The following PSIP1 variants were observed in gnomAD, a reference collection of about 807,000 sequenced individuals.
PSIP1 encodes the protein PC4 and SRSF1 interacting protein 1, also known as PC4 and SFRS1-interacting protein.
A neutral mutation model predicts 74.7 loss-of-function variants in PSIP1; 19 were observed. The observed-to-expected ratio is 0.25, with a 90% CI of 0.18 to 0.37. PSIP1 has a LOEUF of 0.37. Ranked by LOEUF, PSIP1 falls within the 10% of genes least tolerant of loss-of-function variation. The pLI is 1.00. For missense variants in PSIP1, 601 were observed against 614.3 expected (o/e 0.98, Z 0.23); for synonymous variants, 222 against 195.3 (o/e 1.14, Z -1.14).
chr9:15,465,356 A>G lies in PSIP1; in HGVS notation c.*164T>C. 1.7e-6 allele frequency: 1 copy of G among 603,764 alleles called. No homozygotes were observed. Among genetic ancestry groups the G allele is most frequent in the Non-Finnish European group, 2.9e-6 (1 of 350,170 alleles). 37.4% of individuals were successfully genotyped at this position (603,764 alleles called of 1,614,324 possible). A position where few individuals can be genotyped will look rare whatever the true frequency, so the allele number is the denominator to read the frequency against. On this transcript the variant is annotated 3_prime_UTR_variant, in exon 16 of 16. Coordinates refer to ENST00000380733, the MANE Select transcript of PSIP1 (RefSeq NM_033222.5). ...CTGTTAATACTGCACAAGTACACTT[A>G]GCGATAATGTTTACTTTACTTTAAA...
chr9:15,479,070 A>G (rs1196483935), intron 7 of PSIP1, among the ~76,000 whole-genome samples: 1 of 152,124 alleles, frequency 6.6e-6, no homozygotes, highest in Non-Finnish European at 1.5e-5. Context: ...CCTATTAAAA[A>G]GTAGAAAAAA....
In PSIP1 at chr9:15,464,525, A is replaced by G. The variant is rs1249969677; in HGVS notation, c.*995T>C. On this transcript the variant is annotated 3_prime_UTR_variant, in exon 16 of 16. Transcript: ENST00000380733. ...ATCAAAGTACAATGCTGGAACAACT[A>G]GTGTTTGTATTTTTGGAATCTAGAA... The G allele has an allele frequency of 5.0e-6, 1 of 200,882 alleles. No individual in the cohort carries two copies. Among genetic ancestry groups the G allele is most frequent in the Non-Finnish European group, 1.0e-5 (1 of 97,782 alleles). 12.4% of individuals were successfully genotyped at this position (200,882 alleles called of 1,614,324 possible).
intron 3 of PSIP1, among the ~76,000 whole-genome samples, chr9:15,501,108 CAAAG>C (rs1308611460): frequency 6.6e-6 from 1 of 151,132 alleles, no homozygotes; most frequent in Non-Finnish European, 1.5e-5. Flanking sequence ...TTACAAATGA[CAAAG>C]AAAAAAAACA....
intron 3 of PSIP1, among the ~76,000 whole-genome samples, chr9:15,504,353 A>AC (rs2037485099): frequency 1.5e-5 from 2 of 135,922 alleles, no homozygotes; most frequent in African/African-American, 7.3e-5. Flanking sequence ...ACATATATTT[A>AC]TATATGAAAA....
At chr9:15,487,082 C>A in intron 4 of PSIP1, 151 bp from the exon 5 acceptor site, 1 of 475,694 alleles carries the variant, frequency 2.1e-6, no homozygotes. Flanking sequence ...ACTGAAGCCT[C>A]AATTCCTGGG....
In PSIP1 at chr9:15,497,325, C is replaced by CTTTTTTTTTTTTTTTTTT. The variant is rs767922897; in HGVS notation, c.150-7202_150-7201insAAAAAAAAAAAAAAAAAA. Among the ~76,000 whole-genome samples the CTTTTTTTTTTTTTTTTTT allele has an allele frequency of 1.2e-3, 140 of 118,544 alleles. 18 individuals are homozygous for CTTTTTTTTTTTTTTTTTT. The highest frequency in any genetic ancestry group is 5.2e-3 in the African/African-American group (128 of 24,852). The allele number at this position is 118,544 out of a possible 152,430, so 77.8% of individuals were successfully genotyped here. ...CTGAAGACCACACGTTCTATGATTCCTTTTTTTTTTTTTTTTGAGACAGAG... is the reference window on the plus strand; with the variant it reads ...CTGAAGACCACACGTTCTATGATTCCTTTTTTTTTTTTTTTTTTTTTTTTTTTTTTTTTTGAGACAGAG... On this transcript the variant is annotated intron_variant, in intron 3 of 15. Transcript: ENST00000380733.
At chr9:15,470,986 A>C (rs531130111) in intron 10 of PSIP1, 2 of 1,284,840 alleles carry the variant, frequency 1.6e-6, no homozygotes, top group African/African-American at 3.1e-5. Context: ...CTTAGTATGT[A>C]GTGTGTACCT....
rs1255333841 is a variant in PSIP1, at chr9:15,468,972, A to C, written c.1191T>G (p.Ile397Met). Residue 397 changes from isoleucine to methionine, a missense_variant, in exon 13 of 16, where the codon ATT becomes ATG. By Grantham distance (10) the Ile-to-Met change is conservative. Coordinates refer to ENST00000380733, the MANE Select transcript of PSIP1 (RefSeq NM_033222.5). ...MQQAQKHTEM[I>M]TTLKKIRRFK... ...AATCACTTACTTTTTTCAGTGTAGTAATCATCTCTGTGTGTTTCTGAGCTT... is the reference window on the plus strand; with the variant it reads ...AATCACTTACTTTTTTCAGTGTAGTCATCATCTCTGTGTGTTTCTGAGCTT... The C allele has an allele frequency of 6.2e-7, 1 of 1,613,840 alleles. No homozygotes were observed. The highest frequency in any genetic ancestry group is 1.1e-5 in the South Asian group (1 of 91,040).
At position 15,503,981 on chromosome 9, in the gene PSIP1, G is replaced by A. The variant is rs529192350; in HGVS notation, c.149+2580C>T. On this transcript the variant is annotated intron_variant, in intron 3 of 15. Coordinates refer to ENST00000380733, the MANE Select transcript of PSIP1 (RefSeq NM_033222.5). ...AAAGTGGTCTTGAACTCCTGACCTC[G>A]TCATCCGCCCGCTTCAGCCTCCCAA... Among the ~76,000 whole-genome samples the A allele has an allele frequency of 3.9e-5, 6 of 152,232 alleles. No homozygotes were observed. In the South Asian group the frequency reaches 1.0e-3, roughly 26 times the overall value.
At chr9:15,466,913 G>A in intron 14 of PSIP1, 54 bp from the exon 15 acceptor site, 2 of 1,339,556 alleles carry the variant, frequency 1.5e-6, no homozygotes, top group South Asian at 2.5e-5. Context: ...AACAATAATT[G>A]AAGGTGTCCA....
intron 8 of PSIP1, among the ~76,000 whole-genome samples, chr9:15,475,688 G>C (rs1472144412): frequency 6.6e-6 from 1 of 152,030 alleles, no homozygotes; most frequent in East Asian, 1.9e-4. Flanking sequence ...TTATCCTAAG[G>C]TCATAAAAAA....
chr9:15,485,811 C>G (rs2036535126), intron 6 of PSIP1, 195 bp downstream of exon 6: 3 of 435,828 alleles, frequency 6.9e-6, no homozygotes, highest in Non-Finnish European at 8.1e-6. Context: ...CTTTACCACT[C>G]AAGTTACTTT....
intron 3 of PSIP1, chr9:15,492,088 T>G (rs1037784315): frequency 1.3e-5 from 2 of 152,206 alleles, no homozygotes; most frequent in African/African-American, 2.4e-5. Context: ...TCAAATCTCA[T>G]GTCCTCACAT....
At chr9:15,493,917 A>T (rs369664437) in intron 3 of PSIP1, among the ~76,000 whole-genome samples, 1 of 152,204 alleles carries the variant, frequency 6.6e-6, no homozygotes, top group South Asian at 2.1e-4. Context: ...GTCAGGGACC[A>T]TCTGTACATA....
intron 6 of PSIP1, among the ~76,000 whole-genome samples, chr9:15,480,401 T>C (rs1309134861): frequency 6.6e-6 from 1 of 152,108 alleles, no homozygotes; most frequent in Admixed American, 6.5e-5. Context: ...TCACTAAAGA[T>C]AAAAACAAGA....
At chr9:15,505,897 GAC>G (rs2132237760) in intron 3 of PSIP1, 1 of 152,266 alleles carries the variant, frequency 6.6e-6, no homozygotes, top group Non-Finnish European at 1.5e-5. Context: ...CCAAAATTAT[GAC>G]AGACACCAAA....
At position 15,465,585 on chromosome 9, in the gene PSIP1, A is replaced by T. The variant is rs769278782; in HGVS notation, c.1533-5T>A. The T allele has an allele frequency of 3.8e-6, 6 of 1,572,658 alleles. No homozygotes were observed. The highest frequency in any genetic ancestry group is 2.2e-5 in the East Asian group (1 of 44,448). On this transcript the variant is annotated splice_polypyrimidine_tract_variant and splice_region_variant and intron_variant, in intron 15 of 15. Coordinates refer to ENST00000380733, the MANE Select transcript of PSIP1 (RefSeq NM_033222.5). ...TCTCTCTCTTCACTGGATGGCCTGA[A>T]GAAAAGGGGGAAAGGTACAACTGGA...
intron 14 of PSIP1, chr9:15,468,350 T>C (rs765778683): frequency 1.8e-4 from 113 of 628,238 alleles, no homozygotes; most frequent in East Asian, 1.2e-3. Flanking sequence ...TTAGGAGGCA[T>C]TGTGATGGAT....
At chr9:15,468,586 T>C (rs1307899232) in intron 14 of PSIP1, 44 bp downstream of exon 14, 8 of 1,577,400 alleles carry the variant, frequency 5.1e-6, no homozygotes, top group East Asian at 4.5e-5. Context: ...TCCTGGCAAA[T>C]GGTTTAAAAA....
Sources: allele counts gnomAD v4.1 joint callset (sites outside exome capture counted in the v4.1 genomes callset), GRCh38; gene constraint gnomAD v4.1.1; transcripts MANE v1.5; gene names NCBI Gene and HGNC (gene_info 2026-07-23, HGNC 2026-07-21).